NRXN1: variants seen among roughly 807,000 people sequenced by gnomAD.
NRXN1 encodes the protein neurexin-1.
A neutral mutation model predicts 150.9 loss-of-function variants in NRXN1; 39 were observed. The ratio of observed to expected loss-of-function variants is 0.26; its 90% CI spans 0.20 to 0.34. The LOEUF (loss-of-function observed/expected upper bound fraction) is 0.34. Among genes scored for constraint, NRXN1 ranks in the 10% least tolerant of loss-of-function variants. The pLI, the probability that NRXN1 is intolerant of heterozygous loss-of-function variation, is 1.00. For synonymous variants in NRXN1, 924 were observed against 757.0 expected, an observed-to-expected ratio of 1.22 and a Z score of -3.62; for missense variants, 1,815 against 1,949.9, an observed-to-expected ratio of 0.93 and a Z score of 1.30.
intron 17 of NRXN1, among the ~76,000 whole-genome samples, chr2:50,241,860 A>G (rs546692224): frequency 3.3e-5 from 5 of 151,760 alleles, no homozygotes; most frequent in Non-Finnish European, 5.9e-5. Context: ...AAAGGCTAAC[A>G]TATTCCCTTA....
intron 18 of NRXN1, among the ~76,000 whole-genome samples, chr2:50,155,832 T>C (rs1210939532): frequency 6.6e-6 from 1 of 151,560 alleles, no homozygotes; most frequent in African/African-American, 2.4e-5. Context: ...GTTTTCACAG[T>C]AGACTGAGCA....
chr2:50,376,467 T>C (rs1182269192), intron 17 of NRXN1, among the ~76,000 whole-genome samples: 2 of 152,134 alleles, frequency 1.3e-5, no homozygotes, highest in Non-Finnish European at 2.9e-5. Context: ...TTCATGGATA[T>C]ACTCAAACAT....
intron 17 of NRXN1, among the ~76,000 whole-genome samples, chr2:50,238,922 T>A: frequency 6.6e-6 from 1 of 152,006 alleles, no homozygotes; most frequent in East Asian, 1.9e-4. Flanking sequence ...CCCTTCTCTA[T>A]TAATTTTGCA....
intron 12 of NRXN1, among the ~76,000 whole-genome samples, chr2:50,524,276 C>A (rs13420048): frequency 0.37 from 55,778 of 151,644 alleles, 10,738 homozygotes; most frequent in Middle Eastern, 0.51. Flanking sequence ...GTCAGGAGTT[C>A]GAGACGAGCC....
At chr2:50,670,944 A>C (rs1438213700) in intron 5 of NRXN1, among the ~76,000 whole-genome samples, 1 of 151,880 alleles carries the variant, frequency 6.6e-6, no homozygotes, top group Non-Finnish European at 1.5e-5. Context: ...TCCACTGTAA[A>C]AGTTACTATG....
intron 19 of NRXN1, among the ~76,000 whole-genome samples, chr2:50,078,719 T>C (rs2152680794): frequency 6.6e-6 from 1 of 152,186 alleles, no homozygotes; most frequent in Middle Eastern, 3.4e-3. Context: ...AGATGGAACT[T>C]ATGGATTTTT....
intron 13 of NRXN1, among the ~76,000 whole-genome samples, chr2:50,499,426 C>T (rs1415845632): frequency 6.6e-6 from 1 of 152,100 alleles, no homozygotes; most frequent in Non-Finnish European, 1.5e-5. Context: ...TCCTGATTGT[C>T]TATCTGATGC....
intron 5 of NRXN1, among the ~76,000 whole-genome samples, chr2:50,657,294 A>G (rs1045322090): frequency 1.3e-5 from 2 of 151,894 alleles, no homozygotes; most frequent in Non-Finnish European, 2.9e-5. Flanking sequence ...TTCCTCTCCA[A>G]CATGTTATTC....
At chr2:50,644,843 A>T (rs1473468897) in intron 5 of NRXN1, among the ~76,000 whole-genome samples, 1 of 148,604 alleles carries the variant, frequency 6.7e-6, no homozygotes, top group East Asian at 2.0e-4. Context: ...TAGGATATTT[A>T]TATTTATATA....
chr2:50,905,904 T>A lies in NRXN1; in HGVS notation c.832+15965A>T, dbSNP rs751398010. On this transcript the variant is annotated intron_variant, in intron 5 of 22. Transcript: ENST00000401669. The stretch of plus-strand genomic sequence containing the variant: ...AATATTTAACACTATTGAATAGAAA[T>A]AACTTCCCCAATATTGCTTCATGAT... 6.8e-4 allele frequency among the ~76,000 whole-genome samples: 103 copies of A among 152,224 alleles called. 1 individual carries two copies. The highest frequency in any genetic ancestry group is 2.4e-4 in the Non-Finnish European group (16 of 68,008).
chr2:50,940,275 G>A (rs1166109225), intron 2 of NRXN1, among the ~76,000 whole-genome samples: 1 of 151,986 alleles, frequency 6.6e-6, no homozygotes, highest in Non-Finnish European at 1.5e-5. Flanking sequence ...AAGAGATCGA[G>A]ACCATCCTGG....
chr2:51,029,407 G>T (rs768967439), intron 1 of NRXN1, among the ~76,000 whole-genome samples: 6 of 152,164 alleles, frequency 3.9e-5, no homozygotes, highest in Non-Finnish European at 7.3e-5. Flanking sequence ...TGACACCCTT[G>T]TAGTTTATTA....
chr2:50,617,755 G>T (rs1033859433), intron 8 of NRXN1, among the ~76,000 whole-genome samples: 1 of 151,918 alleles, frequency 6.6e-6, no homozygotes, highest in Non-Finnish European at 1.5e-5. Flanking sequence ...TGGTATTGTG[G>T]TTTTTCTGGT....
At chr2:49,944,846 G>A (rs1572973545) in intron 21 of NRXN1, among the ~76,000 whole-genome samples, 1 of 151,760 alleles carries the variant, frequency 6.6e-6, no homozygotes, top group East Asian at 1.9e-4. Context: ...TTTAAAAGTG[G>A]AATTAAAATA....
chr2:50,073,910 T>C (rs2152672788), intron 19 of NRXN1, among the ~76,000 whole-genome samples: 1 of 152,316 alleles, frequency 6.6e-6, no homozygotes, highest in South Asian at 2.1e-4. Context: ...TTATAGCAAC[T>C]TGGTACTTAA....
intron 2 of NRXN1, among the ~76,000 whole-genome samples, chr2:50,950,339 T>C (rs754522375): frequency 6.6e-6 from 1 of 152,168 alleles, no homozygotes; most frequent in Non-Finnish European, 1.5e-5. Flanking sequence ...ATTATATATC[T>C]AGTTATTTTT....
intron 17 of NRXN1, among the ~76,000 whole-genome samples, chr2:50,262,902 T>G (rs565928572): frequency 1.3e-5 from 2 of 152,104 alleles, no homozygotes; most frequent in African/African-American, 2.4e-5. Context: ...TTGGAGTTTT[T>G]GGCAAAGAAT....
At chr2:50,444,907 A>G (rs925481500) in intron 17 of NRXN1, among the ~76,000 whole-genome samples, 2 of 152,038 alleles carry the variant, frequency 1.3e-5, no homozygotes, top group African/African-American at 2.4e-5. Flanking sequence ...TTGCAGTAAA[A>G]TATAATTTAT....
intron 17 of NRXN1, among the ~76,000 whole-genome samples, chr2:50,365,104 T>C (rs1377656820): frequency 1.3e-5 from 2 of 152,074 alleles, no homozygotes; most frequent in African/African-American, 2.4e-5. Context: ...AACTGATACA[T>C]GAAGCTTTTT....
Sources: gnomAD v4.1 joint callset for allele counts (sites outside exome capture counted in the v4.1 genomes callset) on GRCh38, gnomAD v4.1.1 for gene constraint, MANE v1.5 for transcripts, NCBI Gene and HGNC (gene_info 2026-07-23, HGNC 2026-07-21) for gene names.